The following ARHGEF3 variants were observed in gnomAD, a reference collection of about 807,000 sequenced individuals.
ARHGEF3 encodes the protein 59.8 kDA protein.
Under a neutral mutation model 63.2 loss-of-function variants are expected in ARHGEF3, and 28 were observed. The ratio of observed to expected loss-of-function variants is 0.44; its 90% CI spans 0.33 to 0.61. ARHGEF3 has a LOEUF of 0.61. Among genes scored for constraint, ARHGEF3 ranks in the 20% least tolerant of loss-of-function variants. The pLI, the probability that ARHGEF3 is intolerant of heterozygous loss-of-function variation, is 0.03. For synonymous variants in ARHGEF3, 266 were observed against 254.2 expected (o/e 1.05, Z -0.44); for missense variants, 533 against 659.3 (o/e 0.81, Z 2.10).
chr3:57,022,219 A>G (rs1703288842), intron 2 of ARHGEF3, among the ~76,000 whole-genome samples: 1 of 152,138 alleles, frequency 6.6e-6, no homozygotes, highest in African/African-American at 2.4e-5. Context: ...GGCTGCAGTG[A>G]GCTATGATCA....
At chr3:56,798,781 T>C (rs979050503) in intron 1 of ARHGEF3, among the ~76,000 whole-genome samples, 1 of 152,318 alleles carries the variant, frequency 6.6e-6, no homozygotes, top group Non-Finnish European at 1.5e-5. Flanking sequence ...AGAAATAAAC[T>C]TAATGCTCGT....
At chr3:56,854,468 G>A (rs1009918003) in intron 4 of ARHGEF3, among the ~76,000 whole-genome samples, 4 of 152,098 alleles carry the variant, frequency 2.6e-5, no homozygotes, top group South Asian at 2.1e-4. Flanking sequence ...GTGGTGAAGC[G>A]GGAACCCAAC....
chr3:56,958,101 G>C (rs1054034762), intron 3 of ARHGEF3, among the ~76,000 whole-genome samples: 1 of 152,010 alleles, frequency 6.6e-6, no homozygotes, highest in African/African-American at 2.4e-5. Context: ...GGAAAACAAA[G>C]CTCCCTGTGA....
intron 3 of ARHGEF3, chr3:56,940,876 A>C (rs1257611064): frequency 6.6e-6 from 1 of 152,194 alleles, no homozygotes; most frequent in Non-Finnish European, 1.5e-5. Context: ...ATTATTTTCC[A>C]TACCTATTTT....
intron 4 of ARHGEF3, among the ~76,000 whole-genome samples, chr3:56,875,828 T>G (rs149114269): frequency 6.6e-6 from 1 of 151,734 alleles, no homozygotes; most frequent in Non-Finnish European, 1.5e-5. Context: ...GTAAAAAGAG[T>G]GGAACACAGC....
At chr3:56,735,109 C>T (rs1268716598) in intron 8 of ARHGEF3, among the ~76,000 whole-genome samples, 2 of 152,092 alleles carry the variant, frequency 1.3e-5, no homozygotes, top group Admixed American at 6.6e-5. Flanking sequence ...CATGGTGAAA[C>T]CCCATCTCTA....
intron 1 of ARHGEF3, among the ~76,000 whole-genome samples, chr3:57,061,824 T>C (rs1347520949): frequency 6.6e-6 from 1 of 152,184 alleles, no homozygotes; most frequent in African/African-American, 2.4e-5. Flanking sequence ...GGTATAATTA[T>C]TTTCATCCCC....
chr3:57,002,502 A>ATATATATATATGT (rs1317859227), intron 2 of ARHGEF3, among the ~76,000 whole-genome samples: 947 of 81,016 alleles, frequency 0.012, 86 homozygotes, highest in African/African-American at 0.033. Context: ...TATATGTTAT[A>ATATATATATATGT]TATATATATA....
intron 4 of ARHGEF3, among the ~76,000 whole-genome samples, chr3:56,860,066 A>C (rs1022509035): frequency 4.6e-5 from 7 of 152,084 alleles, no homozygotes; most frequent in Non-Finnish European, 1.0e-4. Flanking sequence ...ATAGATAGAT[A>C]GATCGATAGA....
At chr3:56,877,661 C>T (rs527254193) in intron 4 of ARHGEF3, among the ~76,000 whole-genome samples, 2 of 152,246 alleles carry the variant, frequency 1.3e-5, no homozygotes, top group African/African-American at 2.4e-5. Flanking sequence ...GCCCACTATG[C>T]CTGCCCGATC....
At chr3:56,879,801 G>A (rs913938179) in intron 4 of ARHGEF3, among the ~76,000 whole-genome samples, 2 of 152,102 alleles carry the variant, frequency 1.3e-5, no homozygotes, top group East Asian at 3.9e-4. Context: ...AGCCCACAGA[G>A]GCCATTTACT....
At chr3:57,009,499 G>A (rs998777660) in intron 2 of ARHGEF3, among the ~76,000 whole-genome samples, 14 of 152,192 alleles carry the variant, frequency 9.2e-5, no homozygotes, top group African/African-American at 2.9e-4. Context: ...GGCTAGAGGC[G>A]GGTGGATCTC....
At chr3:57,052,020 A>G (rs918137262) in intron 1 of ARHGEF3, among the ~76,000 whole-genome samples, 6 of 152,118 alleles carry the variant, frequency 3.9e-5, no homozygotes, top group African/African-American at 1.4e-4. Flanking sequence ...CTGAGTATCA[A>G]CTGTATGCTA....
chr3:56,897,763 C>T (rs757642932), intron 3 of ARHGEF3, among the ~76,000 whole-genome samples: 5 of 151,958 alleles, frequency 3.3e-5, no homozygotes, highest in Non-Finnish European at 5.9e-5. Flanking sequence ...GATGGGTTTT[C>T]ACCGTGTTAG....
At chr3:57,046,694 T>TG (rs1704468475) in intron 1 of ARHGEF3, among the ~76,000 whole-genome samples, 1 of 152,122 alleles carries the variant, frequency 6.6e-6, no homozygotes, top group African/African-American at 2.4e-5. Flanking sequence ...GCAGGTAAAG[T>TG]TGGTGGTCAG....
intron 3 of ARHGEF3, among the ~76,000 whole-genome samples, chr3:56,930,536 A>G (rs1189791083): frequency 1.3e-5 from 2 of 152,126 alleles, no homozygotes; most frequent in African/African-American, 4.8e-5. Flanking sequence ...GACGAGAACT[A>G]CCGATGTTGA....
chr3:57,033,114 C>A (rs1469657020), intron 2 of ARHGEF3, among the ~76,000 whole-genome samples: 2 of 152,196 alleles, frequency 1.3e-5, no homozygotes, highest in Non-Finnish European at 2.9e-5. Flanking sequence ...AGATCTGAGG[C>A]ATGGCAAGAT....
At chr3:56,730,001 C>T (rs1272314524) in intron 9 of ARHGEF3, among the ~76,000 whole-genome samples, 2 of 152,188 alleles carry the variant, frequency 1.3e-5, no homozygotes, top group Non-Finnish European at 2.9e-5. Context: ...GGGAGCACTG[C>T]TTGAGTCTAG....
At chr3:57,073,206 A>T (rs1706022953) in intron 1 of ARHGEF3, among the ~76,000 whole-genome samples, 1 of 152,130 alleles carries the variant, frequency 6.6e-6, no homozygotes, top group Non-Finnish European at 1.5e-5. Context: ...TTCTCTCTGG[A>T]AGCAAGCTTG....
Sources: gnomAD v4.1 joint callset for allele counts (sites outside exome capture counted in the v4.1 genomes callset) on GRCh38, gnomAD v4.1.1 for gene constraint, MANE v1.5 for transcripts, NCBI Gene and HGNC (gene_info 2026-07-23, HGNC 2026-07-21) for gene names.